CALN1: variants seen among roughly 807,000 people sequenced by gnomAD.
CALN1 encodes calcium-binding protein 8.
CALN1 carries 17 observed loss-of-function variants against 30.6 expected under a neutral mutation model. The observed-to-expected ratio is 0.56, with a 90% CI of 0.38 to 0.83. The LOEUF is 0.83. CALN1 is among the 40% of genes least tolerant of loss of function. CALN1 has a pLI of 0.00. For synonymous variants in CALN1, 156 were observed against 131.4 expected (o/e 1.19, Z -1.28); for missense variants, 291 against 354.9 (o/e 0.82, Z 1.45).
intron 3 of CALN1, among the ~76,000 whole-genome samples, chr7:72,245,998 C>A (rs569245346): frequency 7.6e-4 from 116 of 152,322 alleles, no homozygotes; most frequent in Non-Finnish European, 1.5e-3. Context: ...AAACAAAACT[C>A]AGACCTAAGA....
At chr7:72,175,792 C>G (rs1262854898) in intron 3 of CALN1, among the ~76,000 whole-genome samples, 1 of 152,098 alleles carries the variant, frequency 6.6e-6, no homozygotes, top group Non-Finnish European at 1.5e-5. Flanking sequence ...CAACAAGCAG[C>G]CTGAAAGAAC....
At chr7:72,058,310 CTTTT>C (rs3065011) in intron 4 of CALN1, among the ~76,000 whole-genome samples, 13 of 70,772 alleles carry the variant, frequency 1.8e-4, no homozygotes, top group Admixed American at 4.3e-4. Context: ...AAGCTGGAAT[CTTTT>C]TTTTTTTTTT....
At chr7:72,179,818 A>T (rs991664724) in intron 3 of CALN1, among the ~76,000 whole-genome samples, 7 of 152,122 alleles carry the variant, frequency 4.6e-5, no homozygotes, top group Non-Finnish European at 7.4e-5. Context: ...CACATCTATT[A>T]AAAAAATTAC....
intron 3 of CALN1, among the ~76,000 whole-genome samples, chr7:72,138,602 G>T (rs1266621346): frequency 6.6e-6 from 1 of 152,228 alleles, no homozygotes; most frequent in Non-Finnish European, 1.5e-5. Flanking sequence ...TTTAGCACCG[G>T]CTGAGAACTG....
At position 72,264,761 on chromosome 7, in the gene CALN1, C is replaced by T. The variant is rs139486753; in HGVS notation, c.244+13925G>A. ...ACTTGTGTCATAGGGGTTTGCTGTA[C>T]AGGGTTATTTCGTCACCCAGGTATT... is the stretch of plus-strand genomic sequence containing the variant. On this transcript the variant is annotated intron_variant, in intron 3 of 6. Coordinates refer to ENST00000395275, the MANE Select transcript of CALN1 (RefSeq NM_031468.4). 3.8e-4 allele frequency among the ~76,000 whole-genome samples: 58 copies of T among 152,226 alleles called. 1 individual carries two copies. In the East Asian group the frequency reaches 6.8e-3, roughly 18 times the overall value.
chr7:71,947,279 G>A (rs1224376622), intron 5 of CALN1, among the ~76,000 whole-genome samples: 3 of 152,132 alleles, frequency 2.0e-5, no homozygotes, highest in Admixed American at 1.3e-4. Context: ...CCGAACTGCC[G>A]AGATTACAGG....
At chr7:71,931,648 A>G (rs1229796391) in intron 5 of CALN1, among the ~76,000 whole-genome samples, 1 of 152,230 alleles carries the variant, frequency 6.6e-6, no homozygotes, top group Non-Finnish European at 1.5e-5. Flanking sequence ...ACGACATGGT[A>G]GTAGGTCAGT....
chr7:72,244,385 T>A (rs1795028730), intron 3 of CALN1, among the ~76,000 whole-genome samples: 1 of 152,168 alleles, frequency 6.6e-6, no homozygotes, highest in Non-Finnish European at 1.5e-5. Flanking sequence ...CATATTAAGT[T>A]CCTACAACGT....
chr7:71,795,035 CT>C (rs919740331), intron 6 of CALN1, among the ~76,000 whole-genome samples: 1 of 151,124 alleles, frequency 6.6e-6, no homozygotes, highest in African/African-American at 2.4e-5. Flanking sequence ...TTCTTTTTTT[CT>C]TTTTTGAGAT....
Position 72,016,058 on chromosome 7 carries a change from G to A in CALN1, c.501+7599C>T, listed in dbSNP as rs192374491. On this transcript the variant is annotated intron_variant, in intron 5 of 6. Coordinates refer to ENST00000395275, the MANE Select transcript of CALN1 (RefSeq NM_031468.4). ...GAGGTCAGGAGTTCCAGACCAGCCT[G>A]GCCAACACGGTGAAACCCCGTCTCT... Among the ~76,000 whole-genome samples the A allele has an allele frequency of 9.9e-5, 15 of 152,154 alleles. No homozygotes were observed. The East Asian group carries it at 2.9e-3, about 30-fold the overall frequency.
chr7:72,325,112 C>T (rs932293908), intron 2 of CALN1, among the ~76,000 whole-genome samples: 1 of 151,222 alleles, frequency 6.6e-6, no homozygotes, highest in Non-Finnish European at 1.5e-5. Context: ...CCAGCCTGGG[C>T]AACATGGTGA....
chr7:72,303,418 G>A (rs888485210), intron 2 of CALN1, among the ~76,000 whole-genome samples: 7 of 152,020 alleles, frequency 4.6e-5, no homozygotes, highest in Admixed American at 2.0e-4. Context: ...CAAGCCAGGC[G>A]TGGTGGGGCA....
chr7:71,898,021 G>A (rs1793644651), intron 5 of CALN1, among the ~76,000 whole-genome samples: 2 of 130,914 alleles, frequency 1.5e-5, no homozygotes, highest in African/African-American at 5.9e-5. Flanking sequence ...GGGGGGGGGA[G>A]AGAGAGAGAG....
intron 2 of CALN1, among the ~76,000 whole-genome samples, chr7:72,376,455 T>C (rs958646405): frequency 2.6e-5 from 4 of 152,254 alleles, no homozygotes; most frequent in Non-Finnish European, 5.9e-5. Context: ...TTTGTATTTC[T>C]CTAATGACAG....
chr7:71,992,860 A>G (rs111972885), intron 5 of CALN1, among the ~76,000 whole-genome samples: 8,135 of 152,292 alleles, frequency 0.053, 270 homozygotes, highest in Non-Finnish European at 0.074. Flanking sequence ...ATCTAAGCCA[A>G]TCACGATCAC....
chr7:71,865,724 T>C (rs1191262553), intron 5 of CALN1, among the ~76,000 whole-genome samples: 1 of 152,230 alleles, frequency 6.6e-6, no homozygotes, highest in African/African-American at 2.4e-5. Context: ...CTCATCTAGG[T>C]GCTGTTTAGT....
intron 2 of CALN1, among the ~76,000 whole-genome samples, chr7:72,372,554 T>C (rs1000478879): frequency 2.0e-5 from 3 of 152,170 alleles, no homozygotes; most frequent in Non-Finnish European, 2.9e-5. Context: ...ATTTCATGAG[T>C]ATATTGATTC....
At chr7:72,381,948 T>C (rs1288727173) in intron 2 of CALN1, among the ~76,000 whole-genome samples, 4 of 152,148 alleles carry the variant, frequency 2.6e-5, no homozygotes, top group African/African-American at 9.7e-5. Flanking sequence ...TTAAGAAGTT[T>C]TTTCCTGAAC....
chr7:71,976,627 A>AAATGGAT (rs1418643271), intron 5 of CALN1, among the ~76,000 whole-genome samples: 2 of 152,152 alleles, frequency 1.3e-5, no homozygotes, highest in Non-Finnish European at 2.9e-5. Flanking sequence ...GGCTGCTTGA[A>AAATGGAT]AGGCTGCGTG....
Sources: allele counts gnomAD v4.1 joint callset (sites outside exome capture counted in the v4.1 genomes callset), GRCh38; gene constraint gnomAD v4.1.1; transcripts MANE v1.5; gene names NCBI Gene and HGNC (gene_info 2026-07-23, HGNC 2026-07-21).